Variants in RBX1 observed in about 807,000 individuals in gnomAD.
RBX1 encodes ring-box 1.
For missense variants in RBX1, 46 were observed against 141.4 expected, an observed-to-expected ratio of 0.33 and a Z score of 3.42; for synonymous variants, 48 against 47.9, an observed-to-expected ratio of 1.00 and a Z score of -0.01.
At chr22:40,961,072 G>A (rs1026661194) in intron 2 of RBX1, among the ~76,000 whole-genome samples, 22 of 143,444 alleles carry the variant, frequency 1.5e-4, no homozygotes, top group African/African-American at 4.6e-4. Flanking sequence ...CCGAGCCACC[G>A]TGCCTGGCCT....
intron 4 of RBX1, among the ~76,000 whole-genome samples, chr22:40,971,991 A>G (rs2058370338): frequency 6.6e-6 from 1 of 152,198 alleles, no homozygotes; most frequent in South Asian, 2.1e-4. Flanking sequence ...GGAGCTGATG[A>G]CAGATTTTGA....
chr22:40,957,782 A>C (rs2058329623), intron 2 of RBX1, among the ~76,000 whole-genome samples: 1 of 151,924 alleles, frequency 6.6e-6, no homozygotes, highest in Non-Finnish European at 1.5e-5. Flanking sequence ...CTCCTACCTC[A>C]GCCTCTAAGT....
At chr22:40,962,899 T>C (rs1381442761) in intron 2 of RBX1, among the ~76,000 whole-genome samples, 1 of 148,490 alleles carries the variant, frequency 6.7e-6, no homozygotes, top group East Asian at 2.0e-4. Flanking sequence ...TGTTTCACTA[T>C]GTTGGCCAGG....
intron 2 of RBX1, among the ~76,000 whole-genome samples, chr22:40,960,435 A>T (rs2058336811): frequency 6.6e-6 from 1 of 152,150 alleles, no homozygotes; most frequent in Non-Finnish European, 1.5e-5. Context: ...GAGGAGGAGC[A>T]TGTTCCAGGT....
chr22:40,960,737 T>TA, intron 2 of RBX1, among the ~76,000 whole-genome samples: 1 of 152,136 alleles, frequency 6.6e-6, no homozygotes, highest in Non-Finnish European at 1.5e-5. Context: ...AGTTCTTAAA[T>TA]ACACTGCATA....
intron 2 of RBX1, among the ~76,000 whole-genome samples, chr22:40,959,739 A>G (rs777991473): frequency 1.3e-5 from 2 of 152,104 alleles, no homozygotes; most frequent in Non-Finnish European, 2.9e-5. Context: ...TGAACCTGGG[A>G]GACAGAGGTT....
intron 2 of RBX1, among the ~76,000 whole-genome samples, chr22:40,956,091 T>C (rs2058324680): frequency 6.6e-6 from 1 of 152,128 alleles, no homozygotes; most frequent in Non-Finnish European, 1.5e-5. Context: ...TTTAAGTCAG[T>C]GTATATGTGT....
chr22:40,969,662 A>G (rs966299951), intron 4 of RBX1, among the ~76,000 whole-genome samples: 3 of 152,118 alleles, frequency 2.0e-5, no homozygotes, highest in African/African-American at 7.2e-5. Flanking sequence ...AGGCAGGTGG[A>G]TCATTTGAGG....
chr22:40,971,872 A>G (rs1393273684), intron 4 of RBX1, among the ~76,000 whole-genome samples: 2 of 151,988 alleles, frequency 1.3e-5, no homozygotes, highest in African/African-American at 4.8e-5. Flanking sequence ...TAATTTTTAT[A>G]ATCTTCTTAG....
intron 3 of RBX1, chr22:40,967,561 C>T: frequency 2.4e-6 from 1 of 414,652 alleles, no homozygotes; most frequent in South Asian, 2.9e-5. Flanking sequence ...GGCACATACT[C>T]CTGTGCTTCC....
chr22:40,953,469 A>G (rs2058316871), intron 1 of RBX1, 86 bp from the exon 2 acceptor site: 1 of 887,306 alleles, frequency 1.1e-6, no homozygotes, highest in African/African-American at 1.7e-5. Flanking sequence ...CAAAGAGATG[A>G]TAACTGCAGC....
chr22:40,961,625 C>T (rs555324054), intron 2 of RBX1, among the ~76,000 whole-genome samples: 1 of 151,812 alleles, frequency 6.6e-6, no homozygotes, highest in Non-Finnish European at 1.5e-5. Context: ...AGGATGGGCT[C>T]GATCTCCTGA....
intron 2 of RBX1, among the ~76,000 whole-genome samples, chr22:40,960,285 A>G (rs1377801656): frequency 1.3e-5 from 2 of 152,108 alleles, no homozygotes; most frequent in East Asian, 3.8e-4. Context: ...AGGTATGTAA[A>G]GAGATACTCA....
At chr22:40,951,517 G>T in intron 1 of RBX1, 41 bp downstream of exon 1, 1 of 1,592,542 alleles carries the variant, frequency 6.3e-7, no homozygotes, top group Non-Finnish European at 8.6e-7. Flanking sequence ...AGCTAGAGAG[G>T]CGCGGATCTG....
intron 2 of RBX1, among the ~76,000 whole-genome samples, chr22:40,958,868 C>T (rs2058332400): frequency 6.6e-6 from 1 of 152,044 alleles, no homozygotes; most frequent in East Asian, 1.9e-4. Context: ...GGCTGGAGTG[C>T]AGTGGCATGA....
At chr22:40,970,739 TA>T (rs140926713) in intron 4 of RBX1, among the ~76,000 whole-genome samples, 1 of 152,124 alleles carries the variant, frequency 6.6e-6, no homozygotes, top group South Asian at 2.1e-4. Flanking sequence ...TTCTTGGGTT[TA>T]AAAAAACCAA....
chr22:40,965,569 T>G (rs2092903456), intron 3 of RBX1, among the ~76,000 whole-genome samples: 1 of 151,978 alleles, frequency 6.6e-6, no homozygotes, highest in Non-Finnish European at 1.5e-5. Context: ...GCCTTCCGAG[T>G]AGCTGGGATT....
chr22:40,971,907 A>G (rs1033074949), intron 4 of RBX1, among the ~76,000 whole-genome samples: 1 of 152,122 alleles, frequency 6.6e-6, no homozygotes, highest in African/African-American at 2.4e-5. Flanking sequence ...TTCTGGGGAA[A>G]ACAGAAACCT....
chr22:40,959,791 G>A (rs906933039), intron 2 of RBX1, among the ~76,000 whole-genome samples: 3 of 151,800 alleles, frequency 2.0e-5, no homozygotes, highest in Non-Finnish European at 4.4e-5. Context: ...GGCCTGGGGG[G>A]ACAAAGCTAG....
Sources: allele counts gnomAD v4.1 joint callset (sites outside exome capture counted in the v4.1 genomes callset), GRCh38; gene constraint gnomAD v4.1.1; transcripts MANE v1.5; gene names NCBI Gene and HGNC (gene_info 2026-07-23, HGNC 2026-07-21).